FIP1L1: variants seen among roughly 807,000 people sequenced by gnomAD.
FIP1L1 encodes the protein pre-mRNA 3'-end-processing factor FIP1.
Under a neutral mutation model 84.6 loss-of-function variants are expected in FIP1L1, and 21 were observed. The observed-to-expected ratio is 0.25, with a 90% CI of 0.18 to 0.36. FIP1L1 has a LOEUF of 0.36. Ranked by LOEUF, FIP1L1 falls within the 10% of genes least tolerant of loss-of-function variation. The pLI is 1.00. For synonymous variants in FIP1L1, 263 were observed against 242.3 expected, an observed-to-expected ratio of 1.09 and a Z score of -0.80; for missense variants, 526 against 751.1, an observed-to-expected ratio of 0.70 and a Z score of 3.50.
At chr4:53,421,283 C>G (rs1409530923) in intron 11 of FIP1L1, among the ~76,000 whole-genome samples, 8 of 152,158 alleles carry the variant, frequency 5.3e-5, no homozygotes, top group Non-Finnish European at 1.0e-4. Flanking sequence ...TTTTCTGCCT[C>G]TTTGAATGTC....
At chr4:53,443,661 A>G (rs1258445744) in intron 14 of FIP1L1, among the ~76,000 whole-genome samples, 2 of 152,164 alleles carry the variant, frequency 1.3e-5, no homozygotes, top group African/African-American at 4.8e-5. Context: ...AAAATGTTAA[A>G]AAGTATTCTT....
intron 13 of FIP1L1, among the ~76,000 whole-genome samples, chr4:53,432,520 ATTAAG>A (rs887239760): frequency 6.6e-6 from 1 of 151,564 alleles, no homozygotes; most frequent in African/African-American, 2.4e-5. Flanking sequence ...TTTCCATTGT[ATTAAG>A]TTTTTTCAGA....
intron 16 of FIP1L1, among the ~76,000 whole-genome samples, chr4:53,457,657 A>G (rs1358627037): frequency 6.6e-6 from 1 of 152,156 alleles, no homozygotes; most frequent in Non-Finnish European, 1.5e-5. Flanking sequence ...TACTACTTTC[A>G]TAATTCATAT....
chr4:53,386,600 G>C (rs1465071558), intron 5 of FIP1L1, among the ~76,000 whole-genome samples: 1 of 152,174 alleles, frequency 6.6e-6, no homozygotes, highest in Non-Finnish European at 1.5e-5. Context: ...ATTTGAACTT[G>C]TTTGAATAAT....
chr4:53,419,670 C>G (rs1331909867), intron 11 of FIP1L1, among the ~76,000 whole-genome samples: 3 of 152,088 alleles, frequency 2.0e-5, no homozygotes, highest in Non-Finnish European at 4.4e-5. Context: ...ATCTCCTGAA[C>G]TCAAGTGATT....
At chr4:53,391,767 T>C (rs1744361171) in intron 9 of FIP1L1, among the ~76,000 whole-genome samples, 1 of 152,220 alleles carries the variant, frequency 6.6e-6, no homozygotes, top group African/African-American at 2.4e-5. Context: ...TACATGTTTG[T>C]AGGATAGAAA....
At chr4:53,391,532 A>C in intron 9 of FIP1L1, 34 bp downstream of exon 9, 1 of 1,534,430 alleles carries the variant, frequency 6.5e-7, no homozygotes. Flanking sequence ...GGTTGCTCTC[A>C]TTTTTTGTTC....
intron 9 of FIP1L1, among the ~76,000 whole-genome samples, chr4:53,398,940 C>T (rs915233604): frequency 6.6e-6 from 1 of 152,058 alleles, no homozygotes. Flanking sequence ...TCACTTGGGA[C>T]GGGAGTTTGA....
At chr4:53,450,482 G>T (rs901616069) in intron 15 of FIP1L1, among the ~76,000 whole-genome samples, 9 of 152,168 alleles carry the variant, frequency 5.9e-5, no homozygotes, top group African/African-American at 1.9e-4. Flanking sequence ...GTTATGGGCA[G>T]TATCCTATGT....
intron 14 of FIP1L1, 61 bp downstream of exon 14, chr4:53,442,768 A>G: frequency 2.2e-6 from 2 of 911,372 alleles, no homozygotes; most frequent in Non-Finnish European, 3.5e-6. Flanking sequence ...AGAACCATAT[A>G]CTTGGAAATA....
At chr4:53,450,963 CTT>C (rs869294352) in intron 15 of FIP1L1, among the ~76,000 whole-genome samples, 1,955 of 138,124 alleles carry the variant, frequency 0.014, 45 homozygotes, top group African/African-American at 0.049. Flanking sequence ...TAAAGCTACT[CTT>C]TTTTTTTTTT....
intron 15 of FIP1L1, among the ~76,000 whole-genome samples, chr4:53,447,595 A>G (rs1422923116): frequency 6.6e-6 from 1 of 152,146 alleles, no homozygotes. Flanking sequence ...CACTGCAGAG[A>G]TAATTATACA....
intron 13 of FIP1L1, among the ~76,000 whole-genome samples, chr4:53,431,775 T>C (rs1196962624): frequency 6.6e-6 from 1 of 152,224 alleles, no homozygotes; most frequent in Admixed American, 6.5e-5. Flanking sequence ...CTTGGAAATT[T>C]ACAGAGGTCT....
At chr4:53,448,258 T>C (rs1233716965) in intron 15 of FIP1L1, among the ~76,000 whole-genome samples, 3 of 152,112 alleles carry the variant, frequency 2.0e-5, no homozygotes, top group Non-Finnish European at 1.5e-5. Flanking sequence ...GGATGTACGA[T>C]TGTCGTCTCT....
At chr4:53,392,383 G>A (rs1578219782) in intron 9 of FIP1L1, among the ~76,000 whole-genome samples, 1 of 149,028 alleles carries the variant, frequency 6.7e-6, no homozygotes, top group South Asian at 2.4e-4. Flanking sequence ...TGCTATGTCT[G>A]CAGATACAAC....
chr4:53,409,588 C>T (rs1424983082), intron 10 of FIP1L1, among the ~76,000 whole-genome samples: 3 of 152,230 alleles, frequency 2.0e-5, no homozygotes, highest in African/African-American at 7.2e-5. Flanking sequence ...GCCCTGCCCC[C>T]AGTAGTGGAG....
In FIP1L1 at chr4:53,410,476, C is replaced by T. The variant is rs370638906; in HGVS notation, c.816-4139C>T. On this transcript the variant is annotated intron_variant, in intron 10 of 17. Transcript: ENST00000337488. ...TGGAACTACCACTGCACTGTATGCTCATTAGCAATTCCTGGGCCAAATGTG... is the reference window on the plus strand; with the variant it reads ...TGGAACTACCACTGCACTGTATGCTTATTAGCAATTCCTGGGCCAAATGTG... Among the ~76,000 whole-genome samples, 81 of 152,294 alleles carry T rather than the reference C, an allele frequency of 5.3e-4. No homozygotes were observed. The South Asian group carries it at 0.012, about 22-fold the overall frequency.
chr4:53,381,656 TTAAG>T (rs1411520258), intron 3 of FIP1L1, among the ~76,000 whole-genome samples: 1 of 152,078 alleles, frequency 6.6e-6, no homozygotes. Context: ...TTAAAATTGA[TTAAG>T]TTTGTCATAT....
chr4:53,450,085 G>T (rs762929430), intron 15 of FIP1L1, among the ~76,000 whole-genome samples: 9 of 151,608 alleles, frequency 5.9e-5, no homozygotes, highest in Non-Finnish European at 1.3e-4. Flanking sequence ...TCCATTCTTT[G>T]TTATCCCTTT....
Sources: gnomAD v4.1 joint callset for allele counts (sites outside exome capture counted in the v4.1 genomes callset) on GRCh38, gnomAD v4.1.1 for gene constraint, MANE v1.5 for transcripts, NCBI Gene and HGNC (gene_info 2026-07-23, HGNC 2026-07-21) for gene names.